NSUN6: variants seen among roughly 807,000 people sequenced by gnomAD.
NSUN6 encodes the protein NOP2/Sun RNA methyltransferase 6, also known as tRNA (cytosine(72)-C(5))-methyltransferase NSUN6.
A neutral mutation model predicts 58.0 loss-of-function variants in NSUN6; 64 were observed. That is an observed-to-expected ratio of 1.10 (90% CI 0.90 to 1.36). The LOEUF (loss-of-function observed/expected upper bound fraction) is 1.36. NSUN6 is among the 40% of genes most tolerant of loss of function. The pLI is 0.00. For synonymous variants in NSUN6, 231 were observed against 193.9 expected, an observed-to-expected ratio of 1.19 and a Z score of -1.59; for missense variants, 701 against 550.1, an observed-to-expected ratio of 1.27 and a Z score of -2.74.
chr10:18,566,216 T>TAATCCATTCCATTCCGC (rs1279258316), intron 8 of NSUN6, among the ~76,000 whole-genome samples: 4 of 119,146 alleles, frequency 3.4e-5, no homozygotes, highest in African/African-American at 1.2e-4. Context: ...TTCCATTCTG[T>TAATCCATTCCATTCCGC]AATCCATTCC....
At chr10:18,565,228 T>C (rs1488965810) in intron 8 of NSUN6, among the ~76,000 whole-genome samples, 6 of 151,440 alleles carry the variant, frequency 4.0e-5, no homozygotes, top group Non-Finnish European at 8.9e-5. Context: ...CTCAGTTCCA[T>C]ACCATTCTCC....
chr10:18,584,826 A>G (rs866610037), intron 8 of NSUN6, among the ~76,000 whole-genome samples: 15 of 152,192 alleles, frequency 9.9e-5, no homozygotes, highest in South Asian at 2.1e-4. Flanking sequence ...ATAAAAGATT[A>G]GCAGTTGATT....
At chr10:18,623,942 G>A (rs1235575056) in intron 3 of NSUN6, among the ~76,000 whole-genome samples, 1 of 152,088 alleles carries the variant, frequency 6.6e-6, no homozygotes. Flanking sequence ...CCCCATTCTG[G>A]ATCCTTCTTG....
intron 3 of NSUN6, among the ~76,000 whole-genome samples, chr10:18,641,545 C>CT (rs1372964000): frequency 6.6e-6 from 1 of 151,694 alleles, no homozygotes; most frequent in Non-Finnish European, 1.5e-5. Context: ...TTTGTAATTT[C>CT]TTTTACTAGA....
Position 18,622,037 on chromosome 10 carries a change from GAC to G in NSUN6, c.312-5746_312-5745del, listed in dbSNP as rs370576076. ...CACATATATATATATATATACGAAT[GAC>G]ACACACACACACACACACACAGACA... On this transcript the variant is annotated intron_variant, in intron 3 of 10. Coordinates refer to ENST00000377304, the MANE Select transcript of NSUN6 (RefSeq NM_182543.5). Among the ~76,000 whole-genome samples, 561 of 147,530 alleles carry G rather than the reference GAC, an allele frequency of 3.8e-3. 4 individuals carry two copies. The highest frequency in any genetic ancestry group is 0.018 in the Middle Eastern group (5 of 284).
At chr10:18,609,963 T>G in intron 5 of NSUN6, 37 bp from the exon 6 acceptor site, 3 of 1,176,204 alleles carry the variant, frequency 2.6e-6, no homozygotes, top group Non-Finnish European at 3.8e-6. Flanking sequence ...TCTGTATAAA[T>G]TCCATGGTCT....
chr10:18,596,919 T>C lies in NSUN6; in HGVS notation c.658-592A>G, dbSNP rs1041231447. Among the ~76,000 whole-genome samples the C allele has an allele frequency of 1.4e-4, 21 of 152,216 alleles. 1 individual carries two copies. Among genetic ancestry groups the C allele is most frequent in the African/African-American group, 4.8e-4 (20 of 41,454 alleles). On this transcript the variant is annotated intron_variant, in intron 6 of 10. Coordinates refer to ENST00000377304, the MANE Select transcript of NSUN6 (RefSeq NM_182543.5). ...CTTCCAGTTAACCAAGAATATAACTTTGCCATTTTGGCCGCCTCATCATCT... is the reference window on the plus strand; with the variant it reads ...CTTCCAGTTAACCAAGAATATAACTCTGCCATTTTGGCCGCCTCATCATCT...
At chr10:18,624,888 C>T (rs1310102846) in intron 3 of NSUN6, among the ~76,000 whole-genome samples, 22 of 152,088 alleles carry the variant, frequency 1.4e-4, no homozygotes, top group Admixed American at 1.4e-3. Flanking sequence ...AAACTCTGTA[C>T]AAGCAAGGTA....
At chr10:18,641,025 C>T (rs1203432246) in intron 3 of NSUN6, among the ~76,000 whole-genome samples, 1 of 151,942 alleles carries the variant, frequency 6.6e-6, no homozygotes, top group East Asian at 1.9e-4. Flanking sequence ...CAGTTGTGTA[C>T]TTTTATTAAC....
At chr10:18,611,582 C>G (rs747877166) in intron 5 of NSUN6, among the ~76,000 whole-genome samples, 1 of 152,064 alleles carries the variant, frequency 6.6e-6, no homozygotes, top group Non-Finnish European at 1.5e-5. Flanking sequence ...CAGGCTGGAG[C>G]GCAGTGGCAC....
intron 3 of NSUN6, among the ~76,000 whole-genome samples, chr10:18,630,470 G>A (rs562059155): frequency 5.3e-5 from 8 of 152,188 alleles, no homozygotes; most frequent in African/African-American, 1.9e-4. Context: ...CCAGGAGCTG[G>A]TTTTTTGAAA....
In NSUN6 at chr10:18,550,751, A is replaced by G. The variant is rs538900581; in HGVS notation, c.1071+1072T>C. 3.2e-4 allele frequency among the ~76,000 whole-genome samples: 47 copies of G among 146,194 alleles called. 1 individual carries two copies. The highest frequency in any genetic ancestry group is 2.3e-3 in the Admixed American group (33 of 14,608). On this transcript the variant is annotated intron_variant, in intron 9 of 10. Transcript: ENST00000377304. ...CTCTTTTTTTTTTTTTTTTGAGACA[A>G]TCTTACTCTGTTGCCCAGGCTGGAG...
chr10:18,638,931 T>C (rs576879068), intron 3 of NSUN6, among the ~76,000 whole-genome samples: 1 of 108,102 alleles, frequency 9.3e-6, no homozygotes, highest in South Asian at 3.0e-4. Context: ...AACAATGTTA[T>C]AAAGCTTGAC....
intron 9 of NSUN6, 120 bp from the exon 10 acceptor site, chr10:18,548,357 G>C (rs1358473494): frequency 8.7e-6 from 7 of 802,460 alleles, no homozygotes; most frequent in South Asian, 2.2e-5. Context: ...GATGTTCTAT[G>C]TGACAAGGAT....
At chr10:18,645,361 G>T (rs751606295) in intron 2 of NSUN6, among the ~76,000 whole-genome samples, 3 of 151,978 alleles carry the variant, frequency 2.0e-5, no homozygotes, top group Admixed American at 2.0e-4. Context: ...TTACCTTCAG[G>T]CTATGTATAC....
upstream of NSUN6, among the ~76,000 whole-genome samples, chr10:18,653,731 C>G (rs1461749806): frequency 6.6e-6 from 1 of 152,186 alleles, no homozygotes; most frequent in East Asian, 1.9e-4. Context: ...ACGAAGATAT[C>G]TCTTGGGATT....
chr10:18,618,805 A>C (rs1300552644), intron 3 of NSUN6, among the ~76,000 whole-genome samples: 1 of 151,546 alleles, frequency 6.6e-6, no homozygotes, highest in East Asian at 1.9e-4. Context: ...TAATTCAAAA[A>C]CTTTCTCATC....
At chr10:18,609,145 C>A (rs1489545191) in intron 6 of NSUN6, among the ~76,000 whole-genome samples, 1 of 151,984 alleles carries the variant, frequency 6.6e-6, no homozygotes, top group Non-Finnish European at 1.5e-5. Flanking sequence ...CCCATCTCTA[C>A]AAAAACATCA....
In NSUN6 at chr10:18,614,510, C is replaced by G. The variant is rs763379659; in HGVS notation, c.525G>C (p.Gly175=). 2 of 1,569,894 alleles carry G rather than the reference C, an allele frequency of 1.3e-6. No homozygotes were observed. The highest frequency in any genetic ancestry group is 4.8e-5 in the East Asian group (2 of 41,958). ...FDGTKVFLGN[G]ISELSRKEIF... Reference sequence around the variant, plus strand: ...TTTCTTTGCGGCTTAGTTCAGAAATCCCATTTCCAAGAAATACTTTTGTTC... The same window carrying G: ...TTTCTTTGCGGCTTAGTTCAGAAATGCCATTTCCAAGAAATACTTTTGTTC... The change falls in exon 5 of 11, where the codon GGG becomes GGC. Residue 175 remains glycine, a synonymous_variant. Transcript: ENST00000377304.
Sources: gnomAD v4.1 joint callset for allele counts (sites outside exome capture counted in the v4.1 genomes callset) on GRCh38, gnomAD v4.1.1 for gene constraint, MANE v1.5 for transcripts, NCBI Gene and HGNC (gene_info 2026-07-23, HGNC 2026-07-21) for gene names.